Variants in WWOX observed in about 807,000 individuals in gnomAD.
WWOX encodes the protein WW domain containing oxidoreductase, also known as WW domain-containing oxidoreductase.
In WWOX, 69 loss-of-function variants were observed where a neutral mutation model predicts 46.2. The observed-to-expected ratio is 1.49, with a 90% CI of 1.23 to 1.82. The LOEUF (loss-of-function observed/expected upper bound fraction) is 1.82, where lower values mean the gene tolerates loss of function less well. WWOX is among the 40% of genes most tolerant of loss of function. The probability of loss-of-function intolerance (pLI) is 0.00; values close to 1 mark genes in which losing one functional copy is unlikely to be tolerated. For synonymous variants in WWOX, 359 were observed against 202.6 expected, an observed-to-expected ratio of 1.77 and a Z score of -6.56; for missense variants, 919 against 542.6, an observed-to-expected ratio of 1.69 and a Z score of -6.89.
intron 5 of WWOX, among the ~76,000 whole-genome samples, chr16:78,300,942 A>T (rs911565340): frequency 2.0e-5 from 3 of 151,926 alleles, no homozygotes; most frequent in Non-Finnish European, 4.4e-5. Flanking sequence ...TTGTCCATCC[A>T]TCCAACTACC....
chr16:79,133,870 G>A (rs777966148), intron 8 of WWOX, among the ~76,000 whole-genome samples: 2 of 152,202 alleles, frequency 1.3e-5, no homozygotes, highest in Non-Finnish European at 1.5e-5. Flanking sequence ...CACAAAAAAT[G>A]TGCAAAATCT....
At chr16:79,191,391 G>C (rs546928592) in intron 8 of WWOX, among the ~76,000 whole-genome samples, 74 of 152,304 alleles carry the variant, frequency 4.9e-4, no homozygotes, top group African/African-American at 1.7e-3. Flanking sequence ...AGGCCACCGA[G>C]ATAGTAAGTG....
chr16:78,221,829 C>T (rs915982903), intron 5 of WWOX, among the ~76,000 whole-genome samples: 10 of 152,216 alleles, frequency 6.6e-5, no homozygotes, highest in Non-Finnish European at 1.3e-4. Flanking sequence ...TACACTCATG[C>T]ATACAGGTCT....
intron 8 of WWOX, among the ~76,000 whole-genome samples, chr16:79,035,401 G>T (rs2047846396): frequency 6.6e-6 from 1 of 151,370 alleles, no homozygotes; most frequent in African/African-American, 2.4e-5. Flanking sequence ...GCCAAGGGAG[G>T]TGAACTAAAG....
chr16:78,643,790 G>A (rs2046778332), intron 8 of WWOX, among the ~76,000 whole-genome samples: 1 of 149,862 alleles, frequency 6.7e-6, no homozygotes, highest in African/African-American at 2.5e-5. Context: ...TGCTTGCTCA[G>A]CAGTTGAAAT....
chr16:78,764,806 C>G (rs532660918), intron 8 of WWOX, among the ~76,000 whole-genome samples: 4 of 151,870 alleles, frequency 2.6e-5, no homozygotes, highest in African/African-American at 7.2e-5. Context: ...AACAACTTAC[C>G]TAGGTCTGAT....
chr16:79,039,006 T>C (rs190408034), intron 8 of WWOX, among the ~76,000 whole-genome samples: 51 of 151,970 alleles, frequency 3.4e-4, no homozygotes, highest in African/African-American at 1.0e-3. Flanking sequence ...CAAATGGGAG[T>C]TTTAATAGGT....
At chr16:78,687,019 C>A (rs2047877256) in intron 8 of WWOX, among the ~76,000 whole-genome samples, 1 of 152,176 alleles carries the variant, frequency 6.6e-6, no homozygotes, top group South Asian at 2.1e-4. Flanking sequence ...CCAGTTGGCA[C>A]ATCATGGCCA....
intron 8 of WWOX, among the ~76,000 whole-genome samples, chr16:78,623,049 C>T (rs552233750): frequency 2.0e-5 from 3 of 151,858 alleles, no homozygotes; most frequent in Non-Finnish European, 2.9e-5. Flanking sequence ...CTGCTAGCAA[C>T]CTAAGGGAGC....
chr16:78,689,489 C>A (rs2047937424), intron 8 of WWOX, among the ~76,000 whole-genome samples: 1 of 152,232 alleles, frequency 6.6e-6, no homozygotes, highest in African/African-American at 2.4e-5. Context: ...TAGACCTTGA[C>A]CTTGCTCCTC....
At position 78,410,805 on chromosome 16, in the gene WWOX, CAAAAAAA is replaced by C. The variant is rs61207788; in HGVS notation, c.606-14048_606-14042del. Among the ~76,000 whole-genome samples the C allele has an allele frequency of 4.4e-3, 330 of 74,982 alleles. 2 individuals are homozygous for C. Among genetic ancestry groups the C allele is most frequent in the African/African-American group, 0.012 (316 of 26,150 alleles). The allele number at this position is 74,982 out of a possible 152,430, so 49.2% of individuals were successfully genotyped here. A position where few individuals can be genotyped will look rare whatever the true frequency, so the allele number is the denominator to read the frequency against. On this transcript the variant is annotated intron_variant, in intron 6 of 8. Coordinates refer to ENST00000566780, the MANE Select transcript of WWOX (RefSeq NM_016373.4). Reference sequence around the variant, plus strand: ...TGGGTGAAAGAGCAAGGCCCCACCTCAAAAAAAAAAAAAAAAAAAAAAAGTTAGCTGG... The same window carrying C: ...TGGGTGAAAGAGCAAGGCCCCACCTCAAAAAAAAAAAAAAAAGTTAGCTGG...
chr16:78,780,653 T>A (rs1234589195), intron 8 of WWOX, among the ~76,000 whole-genome samples: 1 of 152,022 alleles, frequency 6.6e-6, no homozygotes, highest in East Asian at 1.9e-4. Context: ...AACTTAAGAA[T>A]CAAAAACAGT....
chr16:79,105,339 C>T (rs143402471), intron 8 of WWOX, among the ~76,000 whole-genome samples: 24 of 152,112 alleles, frequency 1.6e-4, no homozygotes, highest in Non-Finnish European at 2.8e-4. Flanking sequence ...AAAAGCAGAA[C>T]GGTCATCATC....
intron 8 of WWOX, among the ~76,000 whole-genome samples, chr16:78,831,517 C>T (rs958099825): frequency 2.6e-5 from 4 of 152,110 alleles, no homozygotes; most frequent in African/African-American, 9.7e-5. Context: ...CGTGGGAGAC[C>T]CCGGTGCCCA....
chr16:79,195,722 T>C (rs1234934654), intron 8 of WWOX, among the ~76,000 whole-genome samples: 2 of 152,184 alleles, frequency 1.3e-5, no homozygotes, highest in African/African-American at 4.8e-5. Context: ...GCAATGATAA[T>C]GGTTAAGTCA....
chr16:78,858,022 A>G lies in WWOX; in HGVS notation c.1057-353586A>G, dbSNP rs542800196. Among the ~76,000 whole-genome samples the G allele has an allele frequency of 3.3e-5, 5 of 152,312 alleles. No homozygotes were observed. In the East Asian group the frequency reaches 7.7e-4, roughly 23 times the overall value. On this transcript the variant is annotated intron_variant, in intron 8 of 8. Coordinates refer to ENST00000566780, the MANE Select transcript of WWOX (RefSeq NM_016373.4). Reference sequence around the variant, plus strand: ...TTAGTTATTTGACCTATTACATTCTAAATTGATATTAATAAAGAGGTATTT... The same window carrying G: ...TTAGTTATTTGACCTATTACATTCTGAATTGATATTAATAAAGAGGTATTT...
intron 8 of WWOX, chr16:78,873,286 A>G (rs1033808218): frequency 6.6e-6 from 1 of 152,250 alleles, no homozygotes; most frequent in African/African-American, 2.4e-5. Context: ...CTAATTACCA[A>G]CGTGTAGCTC....
At chr16:78,245,844 T>G (rs2037799460) in intron 5 of WWOX, among the ~76,000 whole-genome samples, 2 of 152,178 alleles carry the variant, frequency 1.3e-5, no homozygotes, top group South Asian at 4.1e-4. Flanking sequence ...CAGGTCATAA[T>G]TAACCTCTTC....
At chr16:78,467,906 A>G (rs2667539) in intron 8 of WWOX, among the ~76,000 whole-genome samples, 54,413 of 152,068 alleles carry the variant, frequency 0.36, 11,282 homozygotes, top group African/African-American at 0.58. Flanking sequence ...GATACTGATC[A>G]GCCTGGCTTC....
Sources: gnomAD v4.1 joint callset for allele counts (sites outside exome capture counted in the v4.1 genomes callset) on GRCh38, gnomAD v4.1.1 for gene constraint, MANE v1.5 for transcripts, NCBI Gene and HGNC (gene_info 2026-07-23, HGNC 2026-07-21) for gene names.